UVRAG: variants seen among roughly 807,000 people sequenced by gnomAD.
The protein encoded by UVRAG is UV radiation resistance associated.
In UVRAG, 19 loss-of-function variants were observed where a neutral mutation model predicts 78.0. The observed-to-expected ratio is 0.24, with a 90% CI of 0.17 to 0.36. The LOEUF is 0.36. Among genes scored for constraint, UVRAG ranks in the 10% least tolerant of loss-of-function variants. The pLI is 1.00. For synonymous variants in UVRAG, 323 were observed against 324.6 expected (o/e 1.00, Z 0.05); for missense variants, 740 against 853.8 (o/e 0.87, Z 1.66).
intron 4 of UVRAG, among the ~76,000 whole-genome samples, chr11:75,882,967 G>T (rs1010698977): frequency 4.6e-5 from 7 of 151,854 alleles, no homozygotes; most frequent in Non-Finnish European, 1.0e-4. Flanking sequence ...TTTGGTTTAG[G>T]CCAGGGCCTT....
intron 3 of UVRAG, among the ~76,000 whole-genome samples, chr11:75,870,559 A>G (rs1946625842): frequency 6.6e-6 from 1 of 152,168 alleles, no homozygotes; most frequent in African/African-American, 2.4e-5. Context: ...TTCATATTTT[A>G]GTATATATTT....
At position 76,003,880 on chromosome 11, in the gene UVRAG, C is replaced by T. The variant is rs1342288230; in HGVS notation, c.827-125C>T. On this transcript the variant is annotated intron_variant, in intron 8 of 14. Coordinates refer to ENST00000356136, the MANE Select transcript of UVRAG (RefSeq NM_003369.4). ...CTACTCTCCCCAAAAAATCTCTGTA[C>T]TCAACCCACTTTCCCTAACTCTTTT... 5.9e-6 allele frequency: 5 copies of T among 848,276 alleles called. No homozygotes were observed. The African/African-American group carries it at 8.4e-5, about 14-fold the overall frequency. 52.5% of individuals were successfully genotyped at this position (848,276 alleles called of 1,614,324 possible).
intron 8 of UVRAG, among the ~76,000 whole-genome samples, chr11:75,988,335 T>G (rs1706633958): frequency 6.6e-6 from 1 of 152,228 alleles, no homozygotes; most frequent in Non-Finnish European, 1.5e-5. Context: ...CATTTTCCTT[T>G]TCTAGCATTT....
chr11:76,126,738 A>G (rs995596761), intron 14 of UVRAG, among the ~76,000 whole-genome samples: 69 of 152,198 alleles, frequency 4.5e-4, no homozygotes, highest in Admixed American at 1.6e-3. Flanking sequence ...AAACAAGTAT[A>G]TTCACTGAAT....
At position 76,142,717 on chromosome 11, in the gene UVRAG, C is replaced by T. The variant is rs909541826; in HGVS notation, c.*1304C>T. On this transcript the variant is annotated 3_prime_UTR_variant, in exon 15 of 15. Coordinates refer to ENST00000356136, the MANE Select transcript of UVRAG (RefSeq NM_003369.4). ...GAACCTACGTCTCCATATGTCACAT[C>T]ATGACAGGACTAGCCTGAACAAAAG... 2 of 152,218 alleles carry T rather than the reference C, an allele frequency of 1.3e-5. No homozygotes were observed. The highest frequency in any genetic ancestry group is 4.8e-5 in the African/African-American group (2 of 41,436). The allele number at this position is 152,218 out of a possible 1,614,324, so 9.4% of individuals were successfully genotyped here.
intron 6 of UVRAG, among the ~76,000 whole-genome samples, chr11:75,933,800 A>G (rs1050789413): frequency 6.6e-6 from 1 of 152,226 alleles, no homozygotes; most frequent in Admixed American, 6.5e-5. Flanking sequence ...CTACAATGAG[A>G]TATTATCTCA....
chr11:75,971,534 A>C (rs1949120785), intron 7 of UVRAG, among the ~76,000 whole-genome samples: 1 of 152,164 alleles, frequency 6.6e-6, no homozygotes, highest in South Asian at 2.1e-4. Flanking sequence ...TTTTATTCTA[A>C]TGGGTATGTA....
At chr11:76,127,488 A>G (rs1162583678) in intron 14 of UVRAG, among the ~76,000 whole-genome samples, 1 of 151,502 alleles carries the variant, frequency 6.6e-6, no homozygotes, top group Admixed American at 6.6e-5. Flanking sequence ...ACCCGTCTCT[A>G]TTAATACAGA....
chr11:76,065,682 A>G (rs1189965229), intron 12 of UVRAG, 28 bp from the exon 13 acceptor site: 20 of 1,607,904 alleles, frequency 1.2e-5, no homozygotes, highest in Admixed American at 1.7e-5. Flanking sequence ...GCTTTTGAAA[A>G]TATCTGATCC....
At chr11:75,905,640 A>T (rs961160709) in intron 5 of UVRAG, among the ~76,000 whole-genome samples, 2 of 152,140 alleles carry the variant, frequency 1.3e-5, no homozygotes, top group African/African-American at 4.8e-5. Context: ...TTTAGGGCTG[A>T]GTAATATTCT....
chr11:75,926,423 T>TC (rs1948106087), intron 6 of UVRAG, among the ~76,000 whole-genome samples: 1 of 152,206 alleles, frequency 6.6e-6, no homozygotes, highest in African/African-American at 2.4e-5. Context: ...GATTTTTCTG[T>TC]TCCCGAGATT....
At chr11:75,973,951 A>T (rs1475579476) in intron 7 of UVRAG, among the ~76,000 whole-genome samples, 1 of 152,194 alleles carries the variant, frequency 6.6e-6, no homozygotes, top group African/African-American at 2.4e-5. Flanking sequence ...AATCCAGTCT[A>T]TCATTGATGG....
intron 6 of UVRAG, among the ~76,000 whole-genome samples, chr11:75,952,434 G>C (rs1343944325): frequency 6.6e-6 from 1 of 150,878 alleles, no homozygotes; most frequent in African/African-American, 2.4e-5. Context: ...TTTCCTCCTA[G>C]TTTGTTGAGG....
chr11:76,112,750 G>A (rs1952100060), intron 13 of UVRAG, among the ~76,000 whole-genome samples: 2 of 148,202 alleles, frequency 1.3e-5, no homozygotes, highest in African/African-American at 2.5e-5. Flanking sequence ...TTTTGAGACA[G>A]GGTCTCACTC....
At chr11:75,926,107 C>T (rs747221002) in intron 6 of UVRAG, among the ~76,000 whole-genome samples, 22 of 152,064 alleles carry the variant, frequency 1.4e-4, no homozygotes, top group Non-Finnish European at 2.8e-4. Context: ...GTGGCACCCA[C>T]ACAATGGAGA....
At chr11:76,030,271 G>A (rs1226830736) in intron 12 of UVRAG, among the ~76,000 whole-genome samples, 3 of 152,030 alleles carry the variant, frequency 2.0e-5, no homozygotes, top group Non-Finnish European at 2.9e-5. Flanking sequence ...GGCATCAAGC[G>A]ATACTTCTCT....
At chr11:76,013,312 G>A (rs139203412) in intron 11 of UVRAG, among the ~76,000 whole-genome samples, 113 of 152,258 alleles carry the variant, frequency 7.4e-4, no homozygotes, top group African/African-American at 2.7e-3. Context: ...TTATTATGAG[G>A]AAACTGGGTT....
At position 76,065,836 on chromosome 11, in the gene UVRAG, T is replaced by G. The variant is rs138175996; in HGVS notation, c.1305+48T>G. 1.3e-5 allele frequency: 20 copies of G among 1,561,856 alleles called. No homozygotes were observed. The African/African-American group carries it at 2.4e-4, about 19-fold the overall frequency. On this transcript the variant is annotated intron_variant, in intron 13 of 14. Coordinates refer to ENST00000356136, the MANE Select transcript of UVRAG (RefSeq NM_003369.4). ...TCTCCTACTTCCCATGCACAGCCTG[T>G]TTCCTTAGATTGCCAGCCTTTTTTC...
chr11:75,916,233 G>A (rs1947850790), intron 6 of UVRAG: 1 of 152,142 alleles, frequency 6.6e-6, no homozygotes, highest in South Asian at 2.1e-4. Context: ...CCATGTGTAG[G>A]TAGACTGGAT....
Sources: allele counts gnomAD v4.1 joint callset (sites outside exome capture counted in the v4.1 genomes callset), GRCh38; gene constraint gnomAD v4.1.1; transcripts MANE v1.5; gene names NCBI Gene and HGNC (gene_info 2026-07-23, HGNC 2026-07-21).